Variants in RTL1 observed in about 807,000 individuals in gnomAD.
RTL1 encodes the protein retrotransposon Gag like 1, also known as retrotransposon-like protein 1.
For synonymous variants in RTL1, 727 were observed against 748.4 expected (o/e 0.97, Z 0.47); for missense variants, 1,681 against 1,767.5 (o/e 0.95, Z 0.88).
chr14:100,902,398 G>T (rs951483174), intron 2 of RTL1, among the ~76,000 whole-genome samples: 1 of 152,242 alleles, frequency 6.6e-6, no homozygotes, highest in Non-Finnish European at 1.5e-5. Context: ...AGAGCCCTTT[G>T]CCCTGCTGTT....
rs201401049 is a variant in RTL1, at chr14:100,884,550, G to C, written c.239C>G (p.Pro80Arg). 3 of 1,612,970 alleles carry C rather than the reference G, an allele frequency of 1.9e-6. No individual in the cohort carries two copies. Among genetic ancestry groups the C allele is most frequent in the Non-Finnish European group, 2.5e-6 (3 of 1,179,094 alleles). ...PTDLLQDMEE[P>R]SSGPRKEIED... ...TATTTCCTTACGTGGGCCACTGGAT[G>C]GCTCCTCCATGTCTTGGAGTAGATC... Residue 80 changes from proline to arginine, a missense_variant, in exon 4 of 4, where the codon CCA becomes CGA. Pro to Arg is a moderately radical substitution (Grantham distance 103). Transcript: ENST00000649591.
In RTL1 at chr14:100,880,790, G is replaced by A. The variant is rs1392023837; in HGVS notation, c.3999C>T (p.Pro1333=). Residue 1333 remains proline (P), a synonymous_variant, in exon 4 of 4, where the codon CCC becomes CCT. Coordinates refer to ENST00000649591, the MANE Select transcript of RTL1 (RefSeq NM_001134888.3). ...TLIYRRALPI[P]AWESQPREQA... is the part of the protein sequence containing the mutation. ...GCTCCCTGGGCTGGCTCTCCCAGGC[G>A]GGGATGGGCAGGGCCCGCCTGTAGA... The A allele has an allele frequency of 5.9e-5, 92 of 1,550,614 alleles. No homozygotes were observed. The highest frequency in any genetic ancestry group is 8.3e-5 in the South Asian group (7 of 84,040).
intron 2 of RTL1, among the ~76,000 whole-genome samples, chr14:100,902,670 A>T (rs912872474): frequency 2.0e-5 from 3 of 152,238 alleles, no homozygotes; most frequent in African/African-American, 7.2e-5. Context: ...CTCCCGAGCC[A>T]GGCAGACCGG....
At position 100,882,126 on chromosome 14, in the gene RTL1, G is replaced by C. The variant is rs1404278766; in HGVS notation, c.2663C>G (p.Ala888Gly). 1.3e-6 allele frequency: 2 copies of C among 1,556,052 alleles called. No individual in the cohort carries two copies. The highest frequency in any genetic ancestry group is 1.7e-6 in the Non-Finnish European group (2 of 1,149,634). Residue 888 changes from alanine to glycine, a missense_variant, in exon 4 of 4, where the codon GCC becomes GGC. Coordinates refer to ENST00000649591, the MANE Select transcript of RTL1 (RefSeq NM_001134888.3). ...ETGVTGTALH[A>G]SLIQIDDQTG... ...TTGGTCGTCGATTTGGATCAGGGAG[G>C]CGTGCAGGGCCGTGCCGGTGACGCC...
intron 2 of RTL1, among the ~76,000 whole-genome samples, chr14:100,897,028 C>G (rs1009821759): frequency 1.3e-5 from 2 of 152,186 alleles, no homozygotes; most frequent in African/African-American, 4.8e-5. Flanking sequence ...TGCTGGACAG[C>G]TTGGGAGGGA....
At chr14:100,890,074 G>GAAA (rs55688942) in intron 3 of RTL1, among the ~76,000 whole-genome samples, 1,995 of 123,844 alleles carry the variant, frequency 0.016, 28 homozygotes, top group Non-Finnish European at 0.025. Flanking sequence ...CGCCTTATTT[G>GAAA]AAAAAAAAAA....
chr14:100,881,921 A>C lies in RTL1; in HGVS notation c.2868T>G (p.Ser956=). Residue 956 remains serine (S), a synonymous_variant, in exon 4 of 4, where the codon TCT becomes TCG. Transcript: ENST00000649591. The surrounding 1 kb of genome is among the most constrained non-coding windows in gnomAD (Gnocchi z 6.6). The stretch of plus-strand genomic sequence containing the variant: ...GTACGGTGAGCCTGTCATTATTCAG[A>C]GAGGCTAGATCCTCTGTGTTGAGAA... The part of the protein sequence containing the change: ...MILLNTEDLA[S]LNNDRLTVLL... 6.2e-7 allele frequency: 1 copy of C among 1,613,548 alleles called. No individual in the cohort carries two copies. Among genetic ancestry groups the C allele is most frequent in the Non-Finnish European group, 8.5e-7 (1 of 1,180,032 alleles).
At chr14:100,899,694 C>G (rs1472868198) in intron 2 of RTL1, among the ~76,000 whole-genome samples, 3 of 141,984 alleles carry the variant, frequency 2.1e-5, no homozygotes, top group African/African-American at 8.1e-5. Context: ...TGTTTCTGTG[C>G]CTTGGTTTCC....
chr14:100,896,955 C>G (rs1412778973), intron 2 of RTL1, among the ~76,000 whole-genome samples: 1 of 152,152 alleles, frequency 6.6e-6, no homozygotes, highest in African/African-American at 2.4e-5. Context: ...TCCAAGAACA[C>G]CGGCCAGGGC....
At chr14:100,887,391 A>G (rs2038709114) in intron 3 of RTL1, among the ~76,000 whole-genome samples, 1 of 152,226 alleles carries the variant, frequency 6.6e-6, no homozygotes, top group South Asian at 2.1e-4. Context: ...ATAGAACAAT[A>G]CATTTTACTA....
rs549762799 is a variant in RTL1 at position 100,884,608 on chromosome 14, C to A, written c.181G>T (p.Gly61Cys). The A allele has an allele frequency of 1.9e-6, 3 of 1,613,802 alleles. No individual in the cohort carries two copies. Among genetic ancestry groups the A allele is most frequent in the Non-Finnish European group, 2.5e-6 (3 of 1,179,852 alleles). Residue 61 changes from glycine to cysteine, a missense_variant, in exon 4 of 4, where the codon GGC (glycine) becomes TGC (cysteine). Coordinates refer to ENST00000649591, the MANE Select transcript of RTL1 (RefSeq NM_001134888.3). ...PAQEKKEPPSGPLQEMEELPT... is the reference protein window; with the variant it reads ...PAQEKKEPPSCPLQEMEELPT... ...AGCTCTTCCATTTCCTGGAGTGGGC[C>A]ACTGGGGGGCTCCTTCTTTTCCTGG...
chr14:100,890,263 A>G (rs1338758226), intron 3 of RTL1, among the ~76,000 whole-genome samples: 1 of 144,284 alleles, frequency 6.9e-6, no homozygotes, highest in Non-Finnish European at 1.5e-5. Flanking sequence ...CCAGTGGCCC[A>G]TTGGGTCAGG....
intron 3 of RTL1, among the ~76,000 whole-genome samples, chr14:100,887,396 T>G (rs2038709229): frequency 6.6e-6 from 1 of 152,186 alleles, no homozygotes; most frequent in Non-Finnish European, 1.5e-5. Context: ...ACAATACATT[T>G]TACTATAAAA....
intron 3 of RTL1, among the ~76,000 whole-genome samples, chr14:100,887,731 C>G (rs537966813): frequency 7.4e-5 from 11 of 149,352 alleles, no homozygotes; most frequent in African/African-American, 2.7e-4. Flanking sequence ...GCTTGGGCAA[C>G]AGAGGGAGAT....
chr14:100,892,757 G>A (rs1022674606), intron 3 of RTL1, among the ~76,000 whole-genome samples: 2 of 152,078 alleles, frequency 1.3e-5, no homozygotes, highest in Admixed American at 6.5e-5. Context: ...TGCGGAAGAC[G>A]GAATGTGACC....
At position 100,880,357 on chromosome 14, in the gene RTL1, C is replaced by CGCCTGCT. The variant is rs1204681746; in HGVS notation, c.*348_*354dup. On this transcript the variant is annotated 3_prime_UTR_variant, in exon 4 of 4. Transcript: ENST00000649591. ...GCCCCGTCACCTGCTTGCTTGGCTG[C>CGCCTGCT]GCCTGCTGTGCCTGCTTCTTCATCT... 6.6e-6 allele frequency among the ~76,000 whole-genome samples: 1 copy of CGCCTGCT among 152,098 alleles called. No homozygotes were observed. Among genetic ancestry groups the CGCCTGCT allele is most frequent in the Non-Finnish European group, 1.5e-5 (1 of 68,014 alleles).
At position 100,881,390 on chromosome 14, in the gene RTL1, G is replaced by C. The variant is rs75735544; in HGVS notation, c.3399C>G (p.Ile1133Met). The C allele has an allele frequency of 1.9e-6, 3 of 1,550,568 alleles. No individual in the cohort carries two copies. The highest frequency in any genetic ancestry group is 2.6e-6 in the Non-Finnish European group (3 of 1,146,996). Residue 1133 changes from isoleucine (I) to methionine (M), a missense_variant, in exon 4 of 4, where the codon ATC becomes ATG. Transcript: ENST00000649591. This position sits in a 1 kb window ranked among gnomAD's most constrained non-coding sequence, Gnocchi z 6.6. The part of the protein sequence containing the change: ...SLRLILDSSL[I>M]AGSSITTAIT... ...TGGCTGTCGTGATGCTGCTGCCTGC[G>C]ATGAGGGACGAATCCAGGATGAGTC...
chr14:100,881,646 T>TG lies in RTL1; in HGVS notation c.3142dup (p.Gln1048ProfsTer118). On this transcript the variant is annotated frameshift_variant, in exon 4 of 4. Transcript: ENST00000649591. LOFTEE classifies it low-confidence loss of function (END_TRUNC). This position sits in a 1 kb window ranked among gnomAD's most constrained non-coding sequence, Gnocchi z 6.6. ...GATGGGTATCATGGCCAGCAGCTCT[T>TG]GCCGTAGGATCTGTTCATTGAGCTC... The TG allele has an allele frequency of 6.4e-7, 1 of 1,552,100 alleles. No homozygotes were observed. Among genetic ancestry groups the TG allele is most frequent in the Non-Finnish European group, 8.7e-7 (1 of 1,147,136 alleles).
rs1451562995 is a variant in RTL1 at position 100,881,865 on chromosome 14, G to A, written c.2924C>T (p.Ser975Phe). Residue 975 changes from serine to phenylalanine, a missense_variant, in exon 4 of 4, where the codon TCC (serine) becomes TTC (phenylalanine). Ser to Phe is a radical substitution (Grantham distance 155). Coordinates refer to ENST00000649591, the MANE Select transcript of RTL1 (RefSeq NM_001134888.3). This position sits in a 1 kb window ranked among gnomAD's most constrained non-coding sequence, Gnocchi z 6.6. ...CTCCATGACGTCAAAGTTGAAGTGG[G>A]AGAAGAAGAAGACCCAATGCCCGGG... ...LLPGHWVFFF[S>F]HFNFDVMELP... The A allele has an allele frequency of 1.2e-6, 2 of 1,613,630 alleles. No homozygotes were observed. Among genetic ancestry groups the A allele is most frequent in the East Asian group, 2.2e-5 (1 of 44,876 alleles).
Sources: gnomAD v4.1 joint callset for allele counts (sites outside exome capture counted in the v4.1 genomes callset) on GRCh38, gnomAD v4.1.1 for gene constraint, Gnocchi (gnomAD v3.1) non-coding constraint, MANE v1.5 for transcripts, NCBI Gene and HGNC (gene_info 2026-07-23, HGNC 2026-07-21) for gene names.